The following PDE4C variants were observed in gnomAD, a reference collection of about 807,000 sequenced individuals.
PDE4C encodes phosphodiesterase 4C.
Under a neutral mutation model 63.9 loss-of-function variants are expected in PDE4C, and 50 were observed. That is an observed-to-expected ratio of 0.78 (90% confidence interval 0.62 to 0.99). The LOEUF (loss-of-function observed/expected upper bound fraction) is 0.99, where lower values mean the gene tolerates loss of function less well. Among genes scored for constraint, PDE4C ranks in the 50% least tolerant of loss-of-function variants. The pLI, the probability that PDE4C is intolerant of heterozygous loss-of-function variation, is 0.00. For synonymous variants in PDE4C, 377 were observed against 385.1 expected (o/e 0.98, Z 0.25); for missense variants, 777 against 899.1 (o/e 0.86, Z 1.74).
intron 1 of PDE4C, among the ~76,000 whole-genome samples, chr19:18,244,716 C>T (rs1175173741): frequency 1.3e-5 from 2 of 151,786 alleles, no homozygotes; most frequent in Non-Finnish European, 2.9e-5. Flanking sequence ...TTCTCCATGT[C>T]GATCAGGCTG....
upstream of PDE4C, chr19:18,252,608 C>T: frequency 2.6e-6 from 1 of 378,940 alleles, no homozygotes; most frequent in Non-Finnish European, 4.6e-6. Context: ...CTCTCTCTTT[C>T]TCTCTCTCTT....
the PDE4C span, among the ~76,000 whole-genome samples, chr19:18,253,974 T>C: frequency 6.6e-6 from 1 of 152,192 alleles, no homozygotes; most frequent in African/African-American, 2.4e-5. Context: ...TGACTCACCC[T>C]AGGCAGCAGA....
chr19:18,244,188 T>A (rs1677202633), intron 1 of PDE4C, among the ~76,000 whole-genome samples: 1 of 152,086 alleles, frequency 6.6e-6, no homozygotes, highest in Non-Finnish European at 1.5e-5. Flanking sequence ...TCCTGATTAA[T>A]TGCCCTCTTC....
chr19:18,249,492 C>G (rs1969199681), upstream of PDE4C, among the ~76,000 whole-genome samples: 1 of 151,858 alleles, frequency 6.6e-6, no homozygotes, highest in Non-Finnish European at 1.5e-5. Context: ...CCAGGCTGGT[C>G]TTGAACTCCT....
upstream of PDE4C, among the ~76,000 whole-genome samples, chr19:18,248,706 G>A (rs556506335): frequency 1.1e-4 from 17 of 152,176 alleles, no homozygotes; most frequent in South Asian, 4.1e-4. Context: ...GCTGTGCTGT[G>A]CCGCCCCGGG....
chr19:18,211,172 C>G, exon 15 of PDE4C: 1 of 1,614,154 alleles, frequency 6.2e-7, no homozygotes, highest in Non-Finnish European at 8.5e-7. Context: ...TCTGGTACCA[C>G]TCTCGATTGT....
upstream of PDE4C, chr19:18,252,503 G>A (rs1400886666): frequency 3.5e-5 from 14 of 398,934 alleles, no homozygotes; most frequent in African/African-American, 1.4e-4. Flanking sequence ...GGTGGCTCAC[G>A]CCTGTAATTC....
intron 9 of PDE4C, 98 bp from the exon 10 acceptor site, chr19:18,218,596 C>G: frequency 1.5e-6 from 2 of 1,350,420 alleles, no homozygotes; most frequent in East Asian, 2.3e-5. Context: ...ATGCCTCAAG[C>G]ACCTGCTCCT....
chr19:18,221,761 A>T (rs760468786), intron 2 of PDE4C, among the ~76,000 whole-genome samples: 1 of 151,948 alleles, frequency 6.6e-6, no homozygotes, highest in Non-Finnish European at 1.5e-5. Flanking sequence ...AGTAGCTGGG[A>T]CTACAGGCGC....
At chr19:18,210,408 T>A (rs2147996913), downstream of PDE4C, 1 of 152,268 alleles carries the variant, frequency 6.6e-6, no homozygotes. Flanking sequence ...GTGCTGAAAA[T>A]TTTCCCCACT....
At chr19:18,227,830 G>A (rs1968774506), upstream of PDE4C, among the ~76,000 whole-genome samples, 1 of 152,156 alleles carries the variant, frequency 6.6e-6, no homozygotes, top group East Asian at 1.9e-4. Flanking sequence ...GGCAGTCCTG[G>A]AGAAGCCCAT....
rs531431085 is a variant in PDE4C at position 18,218,281 on chromosome 19, C to T, written c.1135-33G>A. The T allele has an allele frequency of 6.8e-6, 11 of 1,613,336 alleles. No homozygotes were observed. The Admixed American group carries it at 1.0e-4, about 15-fold the overall frequency. On this transcript the variant is annotated intron_variant, in intron 10 of 14. Coordinates refer to ENST00000262805, the Ensembl canonical transcript of PDE4C. ...GGCAGAGGGCACAGGCGGTGAGGGG[C>T]GGGTTCTCTGGGCCCTGCACCCGCC...
chr19:18,226,490 C>A, upstream of PDE4C: 3 of 1,270,776 alleles, frequency 2.4e-6, no homozygotes, highest in Non-Finnish European at 2.0e-6. Flanking sequence ...GGGGCGGGGC[C>A]CAGCGGGGAG....
upstream of PDE4C, among the ~76,000 whole-genome samples, chr19:18,229,138 C>T (rs924397884): frequency 7.1e-5 from 9 of 126,422 alleles, no homozygotes; most frequent in African/African-American, 1.8e-4. Context: ...TTAGTAGAGA[C>T]GAGGTTTCAC....
At chr19:18,255,333 G>A in the PDE4C span, 13 of 398,718 alleles carry the variant, frequency 3.3e-5, no homozygotes, top group South Asian at 3.8e-4. The surrounding 1 kb of genome is among the most constrained non-coding windows in gnomAD (Gnocchi z 4.6). Flanking sequence ...GCCTGCCACC[G>A]GCTCTGCACA....
chr19:18,219,863 C>T (rs938210550), intron 7 of PDE4C, among the ~76,000 whole-genome samples: 3 of 151,994 alleles, frequency 2.0e-5, no homozygotes, highest in African/African-American at 7.2e-5. Flanking sequence ...TAGCTACCTA[C>T]CCCTCTCCTC....
chr19:18,214,778 G>A (rs1228987650), intron 12 of PDE4C, among the ~76,000 whole-genome samples: 1 of 151,798 alleles, frequency 6.6e-6, no homozygotes, highest in Non-Finnish European at 1.5e-5. Context: ...GTGAAACCCC[G>A]TCTCCACTAA....
chr19:18,229,197 C>T (rs1424005976), upstream of PDE4C, among the ~76,000 whole-genome samples: 1 of 149,112 alleles, frequency 6.7e-6, no homozygotes, highest in Non-Finnish European at 1.5e-5. Flanking sequence ...TGATCACCTG[C>T]CTCAGCCTCC....
rs564646126 is a variant in PDE4C at position 18,216,804 on chromosome 19, G to A, written c.1326C>T (p.Cys442=). Residue 442 remains cysteine, a synonymous_variant, in exon 12 of 15, where the codon TGC becomes TGT. Transcript: ENST00000262805. ...TGGCGCTGAGGTTCTGGAAGATATC[G>A]CAGTTCTCTGCCTGCAGCAGCTTGA... The A allele has an allele frequency of 1.4e-5, 22 of 1,614,024 alleles. No individual in the cohort carries two copies. The East Asian group carries it at 3.1e-4, about 23-fold the overall frequency.
Sources: gnomAD v4.1 joint callset for allele counts (sites outside exome capture counted in the v4.1 genomes callset) on GRCh38, gnomAD v4.1.1 for gene constraint, Gnocchi (gnomAD v3.1) non-coding constraint, MANE v1.5 for transcripts, NCBI Gene and HGNC (gene_info 2026-07-23, HGNC 2026-07-21) for gene names.